The following RRP12 variants were observed in gnomAD, a reference collection of about 807,000 sequenced individuals.
RRP12 encodes RRP12-like protein.
A neutral mutation model predicts 157.3 loss-of-function variants in RRP12; 78 were observed. The ratio of observed to expected loss-of-function variants is 0.50; its 90% CI spans 0.41 to 0.60. The LOEUF (loss-of-function observed/expected upper bound fraction) is 0.60, where lower values mean the gene tolerates loss of function less well. RRP12 is among the 20% of genes least tolerant of loss of function. RRP12 has a pLI of 0.00. For missense variants in RRP12, 1,521 were observed against 1,679.9 expected (o/e 0.91, Z 1.65); for synonymous variants, 726 against 670.9 (o/e 1.08, Z -1.27).
intron 1 of RRP12, among the ~76,000 whole-genome samples, chr10:97,400,739 C>T (rs1845121856): frequency 6.6e-6 from 1 of 152,156 alleles, no homozygotes; most frequent in South Asian, 2.1e-4. Flanking sequence ...GTTTCTGCTT[C>T]CCTGTAGCAG....
chr10:97,374,919 T>C (rs574663580), intron 15 of RRP12, among the ~76,000 whole-genome samples: 2 of 152,278 alleles, frequency 1.3e-5, no homozygotes, highest in South Asian at 4.1e-4. Context: ...CTTTTTCATT[T>C]AATCCTCACA....
At position 97,396,229 on chromosome 10, in the gene RRP12, A is replaced by C. The variant is rs1401184089; in HGVS notation, c.442T>G (p.Phe148Val). Residue 148 changes from phenylalanine (F) to valine (V), a missense_variant, in exon 3 of 34, where the codon TTC becomes GTC. Phe to Val is a conservative substitution (Grantham distance 50). Transcript: ENST00000370992. ...TGGCACCCACTCACCAGAGCAGCGA[A>C]GTACTCAGTCTCCGTCTCCTTCCCT... ...QGGKETETEY[F>V]AALMTTMEAV... 3.1e-6 allele frequency: 5 copies of C among 1,612,762 alleles called. No homozygotes were observed. The highest frequency in any genetic ancestry group is 4.2e-6 in the Non-Finnish European group (5 of 1,178,880).
rs757694894 is a variant in RRP12 at position 97,367,049 on chromosome 10, G to C, written c.3039C>G (p.Arg1013=). The part of the protein sequence containing the change: ...KLRNLFTKFI[R]KFGFELVKRL... Reference sequence around the variant, plus strand: ...CTGCTCAGTGCACAGACCCAAACTTGCGGATGAACTTGGTGAACAGGTTCC... The same window carrying C: ...CTGCTCAGTGCACAGACCCAAACTTCCGGATGAACTTGGTGAACAGGTTCC... The change falls in exon 26 of 34, where the codon CGC becomes CGG. Residue 1013 remains arginine (R), a synonymous_variant. Transcript: ENST00000370992. 6.2e-7 allele frequency: 1 copy of C among 1,614,184 alleles called. No individual in the cohort carries two copies. The highest frequency in any genetic ancestry group is 8.5e-7 in the Non-Finnish European group (1 of 1,180,018).
In RRP12 at chr10:97,385,239, G is replaced by C. The variant is rs1380221483; in HGVS notation, c.1135C>G (p.Pro379Ala). ...QIITALYDYVPSENDLQPLLA... is the reference protein window; with the variant it reads ...QIITALYDYVASENDLQPLLA... ...AGGGGTTGTAAATCATTCTCACTGG[G>C]AACATAGTCGTACAGGGCCTAAAAG... is the stretch of plus-strand genomic sequence containing the variant. The change falls in exon 10 of 34, where the codon CCC becomes GCC. Residue 379 changes from proline (P) to alanine (A), a missense_variant. Coordinates refer to ENST00000370992, the MANE Select transcript of RRP12 (RefSeq NM_015179.4). 6.2e-7 allele frequency: 1 copy of C among 1,613,856 alleles called. No individual in the cohort carries two copies. The highest frequency in any genetic ancestry group is 8.5e-7 in the Non-Finnish European group (1 of 1,179,846).
chr10:97,381,598 C>A, intron 11 of RRP12, 115 bp from the exon 12 acceptor site: 1 of 1,222,108 alleles, frequency 8.2e-7, no homozygotes, highest in South Asian at 1.4e-5. Context: ...ACCTATCTCC[C>A]ATTTTGAGAG....
At chr10:97,359,136 G>T in intron 31 of RRP12, 126 bp from the exon 32 acceptor site, 1 of 652,100 alleles carries the variant, frequency 1.5e-6, no homozygotes, top group Non-Finnish European at 2.7e-6. Flanking sequence ...ACTTGGCTCT[G>T]TCCCCTATCA....
intron 29 of RRP12, among the ~76,000 whole-genome samples, chr10:97,365,668 G>A (rs932263862): frequency 3.9e-4 from 59 of 151,966 alleles, no homozygotes; most frequent in Middle Eastern, 6.8e-3. Flanking sequence ...AGGGACTCCC[G>A]GGCAATGTGA....
chr10:97,365,767 A>T (rs1280020330), intron 29 of RRP12: 4 of 58,866 alleles, frequency 6.8e-5, no homozygotes, highest in East Asian at 4.6e-4. Context: ...AGTTTGCATT[A>T]AAAAAAAAAA....
In RRP12 at chr10:97,388,589, G is replaced by T; in HGVS notation, c.789C>A (p.Val263=). ...RKAAQHGVCS[V]LKGSEFMFEK... is the part of the protein sequence containing the mutation. ...CAAACATGAATTCACTGCCCTTGAG[G>T]ACTGAGCATACTCCATGCTGGGCAG... is the stretch of plus-strand genomic sequence containing the variant. Residue 263 remains valine, a synonymous_variant, in exon 7 of 34, where the codon GTC becomes GTA. Coordinates refer to ENST00000370992, the MANE Select transcript of RRP12 (RefSeq NM_015179.4). The T allele has an allele frequency of 1.9e-6, 3 of 1,614,214 alleles. No homozygotes were observed. The highest frequency in any genetic ancestry group is 2.2e-5 in the South Asian group (2 of 91,078).
rs191722922 is a variant in RRP12, at chr10:97,359,207, G to A, written c.3641-197C>T. Among the ~76,000 whole-genome samples, 8 of 152,286 alleles carry A rather than the reference G, an allele frequency of 5.3e-5. No individual in the cohort carries two copies. In the East Asian group the frequency reaches 1.5e-3, roughly 29 times the overall value. On this transcript the variant is annotated intron_variant, in intron 31 of 33. Coordinates refer to ENST00000370992, the MANE Select transcript of RRP12 (RefSeq NM_015179.4). ...CTGGTGATTTGACAGTTAGATCACT[G>A]GGCTCCTCAGACTGACCCAGAAGCC... is the stretch of plus-strand genomic sequence containing the variant.
intron 15 of RRP12, among the ~76,000 whole-genome samples, chr10:97,374,364 G>C (rs768731495): frequency 7.9e-5 from 12 of 152,100 alleles, no homozygotes; most frequent in Non-Finnish European, 1.8e-4. Context: ...GTTTCACCAT[G>C]TTGCCCAGAC....
intron 6 of RRP12, 88 bp from the exon 7 acceptor site, chr10:97,388,712 T>G: frequency 6.7e-7 from 1 of 1,494,696 alleles, no homozygotes; most frequent in Non-Finnish European, 9.1e-7. Flanking sequence ...CCAATTAGCT[T>G]TGGCTGAAAT....
In RRP12 at chr10:97,396,280, C is replaced by CA; in HGVS notation, c.390dup (p.Val131CysfsTer3). The CA allele has an allele frequency of 6.2e-7, 1 of 1,613,842 alleles. No individual in the cohort carries two copies. Among genetic ancestry groups the CA allele is most frequent in the Non-Finnish European group, 8.5e-7 (1 of 1,179,808 alleles). ...CCCTGGGAGCGAATCACCTCAGTGA[C>CA]AGCAGCCAGAACAGCACAGATCTGC... is the stretch of plus-strand genomic sequence containing the variant. On this transcript the variant is annotated frameshift_variant, in exon 3 of 34. Coordinates refer to ENST00000370992, the MANE Select transcript of RRP12 (RefSeq NM_015179.4). LOFTEE classifies it high-confidence loss of function.
chr10:97,400,255 G>A (rs1478956533), intron 2 of RRP12, 50 bp downstream of exon 2: 1 of 1,369,044 alleles, frequency 7.3e-7, no homozygotes, highest in South Asian at 1.2e-5. Flanking sequence ...GAAAAGGCAT[G>A]AGTTGGCCTC....
At chr10:97,357,245 C>G in intron 33 of RRP12, 49 bp from the exon 34 acceptor site, 1 of 1,237,174 alleles carries the variant, frequency 8.1e-7, no homozygotes. Flanking sequence ...GAATAGGAGG[C>G]CCCCTCCTGT....
At chr10:97,383,290 T>C (rs181838708) in intron 10 of RRP12, among the ~76,000 whole-genome samples, 1 of 152,298 alleles carries the variant, frequency 6.6e-6, no homozygotes, top group African/African-American at 2.4e-5. Context: ...AAAGGCGGTT[T>C]GATGCAGGAA....
chr10:97,374,796 G>A (rs2133055979), intron 15 of RRP12, among the ~76,000 whole-genome samples: 1 of 148,084 alleles, frequency 6.8e-6, no homozygotes, highest in South Asian at 2.1e-4. Context: ...AAAACCATAG[G>A]GAGGAATATA....
In RRP12 at chr10:97,371,233, T is replaced by C. The variant is rs12257067; in HGVS notation, c.2344-152A>G. ...GGACCAGTGGAATGTGGACAGCGAGTGGCTAACTCCTGGGCGAGGCACAGG... is the reference window on the plus strand; with the variant it reads ...GGACCAGTGGAATGTGGACAGCGAGCGGCTAACTCCTGGGCGAGGCACAGG... On this transcript the variant is annotated intron_variant, in intron 20 of 33. Transcript: ENST00000370992. 0.024 allele frequency: 19,613 copies of C among 805,410 alleles called. 2,039 individuals are homozygous for C. The African/African-American group carries it at 0.26, about 11-fold the overall frequency. The allele number at this position is 805,410 out of a possible 1,614,324, so 49.9% of individuals were successfully genotyped here.
Position 97,385,982 on chromosome 10 carries a change from G to C in RRP12, c.1029C>G (p.Ala343=), listed in dbSNP as rs57751415. ...VMTLSHVLVT[A]CAMQAFHSLF... ...GGCTGTGAAAGGCCTGCATGGCACA[G>C]GCTGTCACCAGCTGGAGGGGGACAC... The change falls in exon 9 of 34, where the codon GCC becomes GCG. Residue 343 remains alanine (A), a synonymous_variant. Transcript: ENST00000370992. The C allele has an allele frequency of 6.3e-7, 1 of 1,596,242 alleles. No individual in the cohort carries two copies.
Sources: gnomAD v4.1 joint callset for allele counts (sites outside exome capture counted in the v4.1 genomes callset) on GRCh38, gnomAD v4.1.1 for gene constraint, MANE v1.5 for transcripts, NCBI Gene and HGNC (gene_info 2026-07-23, HGNC 2026-07-21) for gene names.